Variants in IFT25 observed in about 807,000 individuals in gnomAD.
IFT25 encodes the protein intraflagellar transport protein 25 homolog.
chr1:53,944,848 C>T, the IFT25 span, among the ~76,000 whole-genome samples: 30 of 152,276 alleles, frequency 2.0e-4, no homozygotes, highest in Non-Finnish European at 4.0e-4. Flanking sequence ...CCCAGTTCAC[C>T]CTTTCATCGC....
At chr1:53,939,819 C>T in the IFT25 span, 1 of 580,384 alleles carries the variant, frequency 1.7e-6, no homozygotes, top group Non-Finnish European at 3.0e-6. Flanking sequence ...CCTAAATATA[C>T]ACAACTCAAT....
the IFT25 span, among the ~76,000 whole-genome samples, chr1:53,940,380 G>C: frequency 6.6e-6 from 1 of 152,068 alleles, no homozygotes; most frequent in Non-Finnish European, 1.5e-5. Context: ...AAGGTCAACC[G>C]AGGAGAACAA....
At chr1:53,919,613 A>C in the IFT25 span, among the ~76,000 whole-genome samples, 1 of 152,224 alleles carries the variant, frequency 6.6e-6, no homozygotes, top group East Asian at 1.9e-4. Flanking sequence ...TTAAGCCACT[A>C]TGCTTTGAAG....
the IFT25 span, among the ~76,000 whole-genome samples, chr1:53,923,295 C>T: frequency 3.6e-5 from 5 of 137,204 alleles, no homozygotes; most frequent in Admixed American, 1.4e-4. Context: ...AGCATGACCA[C>T]CTAATAGATA....
chr1:53,923,302 G>A, the IFT25 span, among the ~76,000 whole-genome samples: 1 of 142,150 alleles, frequency 7.0e-6, no homozygotes, highest in Admixed American at 6.8e-5. Context: ...CCACCTAATA[G>A]ATATTCAGTT....
the IFT25 span, chr1:53,928,432 A>G: frequency 6.2e-7 from 1 of 1,610,460 alleles, no homozygotes; most frequent in Admixed American, 1.7e-5. Context: ...TCAATCTTCA[A>G]GGTCTGTACT....
the IFT25 span, among the ~76,000 whole-genome samples, chr1:53,926,499 TACC>T: frequency 6.6e-6 from 1 of 152,208 alleles, no homozygotes; most frequent in Non-Finnish European, 1.5e-5. Context: ...ATAACCATAA[TACC>T]ACCATCATAA....
the IFT25 span, chr1:53,930,016 AAAT>A: frequency 2.0e-6 from 3 of 1,536,328 alleles, no homozygotes; most frequent in East Asian, 2.4e-5. Context: ...AAAAAAAAAA[AAAT>A]TAATGTAAGA....
At chr1:53,922,125 T>G in the IFT25 span, among the ~76,000 whole-genome samples, 1 of 152,208 alleles carries the variant, frequency 6.6e-6, no homozygotes, top group Non-Finnish European at 1.5e-5. Flanking sequence ...CTGGGCTCAG[T>G]GGCTCACACC....
At chr1:53,920,590 T>C in the IFT25 span, among the ~76,000 whole-genome samples, 1 of 152,216 alleles carries the variant, frequency 6.6e-6, no homozygotes. Flanking sequence ...GAGATCACAA[T>C]CTGGGTATTT....
the IFT25 span, among the ~76,000 whole-genome samples, chr1:53,912,047 G>T: frequency 2.0e-5 from 3 of 152,086 alleles, no homozygotes; most frequent in South Asian, 6.2e-4. Flanking sequence ...ACCAACATAG[G>T]CATGAGTTTG....
chr1:53,939,508 A>C, the IFT25 span, among the ~76,000 whole-genome samples: 3 of 152,206 alleles, frequency 2.0e-5, no homozygotes, highest in African/African-American at 7.2e-5. Context: ...AGCACAATGA[A>C]GAGTAGAAAT....
At chr1:53,934,009 GT>G in the IFT25 span, among the ~76,000 whole-genome samples, 2 of 151,712 alleles carry the variant, frequency 1.3e-5, no homozygotes, top group South Asian at 2.1e-4. Flanking sequence ...CCATAATACA[GT>G]TTTTTTCATT....
the IFT25 span, chr1:53,939,799 G>A: frequency 1.9e-6 from 1 of 525,506 alleles, no homozygotes; most frequent in Middle Eastern, 4.8e-4. Context: ...ATAAAGAAAA[G>A]GATCAAAAAC....
chr1:53,925,740 AC>A, the IFT25 span, among the ~76,000 whole-genome samples: 1 of 151,894 alleles, frequency 6.6e-6, no homozygotes, highest in African/African-American at 2.4e-5. Context: ...TCCCACATAT[AC>A]CCATAAGCTA....
At chr1:53,922,651 G>A in the IFT25 span, among the ~76,000 whole-genome samples, 1 of 152,154 alleles carries the variant, frequency 6.6e-6, no homozygotes, top group South Asian at 2.1e-4. Context: ...GCAGGAATAT[G>A]CATAGATGTC....
chr1:53,923,832 C>G, the IFT25 span: 1 of 887,436 alleles, frequency 1.1e-6, no homozygotes, highest in Non-Finnish European at 1.9e-6. Flanking sequence ...TTAACTATGA[C>G]TATGGAGATA....
At chr1:53,913,462 G>A in the IFT25 span, among the ~76,000 whole-genome samples, 2 of 152,192 alleles carry the variant, frequency 1.3e-5, no homozygotes, top group Non-Finnish European at 2.9e-5. Context: ...GTCTTCATTA[G>A]TGGGGCTTGT....
the IFT25 span, among the ~76,000 whole-genome samples, chr1:53,920,530 T>C: frequency 1.3e-5 from 2 of 152,214 alleles, no homozygotes; most frequent in African/African-American, 4.8e-5. Context: ...CTTTTGGAAT[T>C]GGCCATTCCT....
Sources: gnomAD v4.1 joint callset for allele counts (sites outside exome capture counted in the v4.1 genomes callset) on GRCh38, gnomAD v4.1.1 for gene constraint, MANE v1.5 for transcripts, NCBI Gene and HGNC (gene_info 2026-07-23, HGNC 2026-07-21) for gene names.